Variants in SNTG1 observed in about 807,000 individuals in gnomAD.
SNTG1 encodes the protein gamma-1-syntrophin.
SNTG1 carries 39 observed loss-of-function variants against 74.7 expected under a neutral mutation model. The ratio of observed to expected loss-of-function variants is 0.52; its 90% CI spans 0.40 to 0.68. The LOEUF (loss-of-function observed/expected upper bound fraction) is 0.68. SNTG1 is among the 30% of genes least tolerant of loss of function. The probability of loss-of-function intolerance (pLI) is 0.00; values close to 1 mark genes in which losing one functional copy is unlikely to be tolerated. For missense variants in SNTG1, 685 were observed against 609.5 expected (o/e 1.12, Z -1.30); for synonymous variants, 254 against 217.1 (o/e 1.17, Z -1.49).
chr8:50,467,400 G>GT (rs1447993964), intron 8 of SNTG1, among the ~76,000 whole-genome samples: 1 of 151,840 alleles, frequency 6.6e-6, no homozygotes, highest in African/African-American at 2.4e-5. Context: ...CCCAGATCAT[G>GT]TAAGTTATCA....
intron 5 of SNTG1, among the ~76,000 whole-genome samples, chr8:50,443,677 CA>C (rs2093378953): frequency 6.6e-6 from 1 of 152,182 alleles, no homozygotes; most frequent in African/African-American, 2.4e-5. Context: ...TTGTTATAAG[CA>C]GTAGAGTTGG....
intron 1 of SNTG1, among the ~76,000 whole-genome samples, chr8:50,018,698 A>G (rs182242380): frequency 6.6e-6 from 1 of 152,212 alleles, no homozygotes; most frequent in East Asian, 1.9e-4. Flanking sequence ...AAGTGAGAAA[A>G]CAATGCATAG....
At chr8:50,257,059 C>T (rs111965908) in intron 2 of SNTG1, among the ~76,000 whole-genome samples, 2,338 of 151,964 alleles carry the variant, frequency 0.015, 50 homozygotes, top group African/African-American at 0.044. Context: ...AAGAGGCACA[C>T]CCACCAGCAT....
rs181257114 is a variant in SNTG1 at position 49,965,660 on chromosome 8, G to A, written c.-103+53429G>A. 3.5e-4 allele frequency among the ~76,000 whole-genome samples: 54 copies of A among 152,126 alleles called. 1 individual carries two copies. In the East Asian group the frequency reaches 6.0e-3, roughly 17 times the overall value. On this transcript the variant is annotated intron_variant, in intron 1 of 18. Coordinates refer to ENST00000642720, the MANE Select transcript of SNTG1 (RefSeq NM_018967.5). Reference sequence around the variant, plus strand: ...CGCCTTGATTGCTCCAACCTCTCTAGCCCCATCAGAAATGTTCCATTTTTA... The same window carrying A: ...CGCCTTGATTGCTCCAACCTCTCTAACCCCATCAGAAATGTTCCATTTTTA...
At chr8:50,052,015 C>G (rs203960) in intron 1 of SNTG1, among the ~76,000 whole-genome samples, 2 of 151,764 alleles carry the variant, frequency 1.3e-5, no homozygotes, top group East Asian at 3.9e-4. Flanking sequence ...CAATGCTTTC[C>G]TTATCAAAAT....
rs116633452 is a variant in SNTG1, at chr8:50,179,565, A to G, written c.-28+6930A>G. On this transcript the variant is annotated intron_variant, in intron 2 of 18. Transcript: ENST00000642720. ...GATAAGAAATTAATACTCAAAATACATAAGCAGTTCCCACAACTTGAAAGG... is the reference window on the plus strand; with the variant it reads ...GATAAGAAATTAATACTCAAAATACGTAAGCAGTTCCCACAACTTGAAAGG... 1.6e-3 allele frequency among the ~76,000 whole-genome samples: 250 copies of G among 152,356 alleles called. 2 individuals are homozygous for G. The highest frequency in any genetic ancestry group is 6.8e-3 in the Middle Eastern group (2 of 294).
chr8:50,737,102 C>CA (rs1164079898), intron 17 of SNTG1, among the ~76,000 whole-genome samples: 5 of 151,656 alleles, frequency 3.3e-5, no homozygotes, highest in East Asian at 1.9e-4. Context: ...AAAAACCCTT[C>CA]AAAAAATCAA....
At chr8:50,455,736 G>T (rs1244752102) in intron 8 of SNTG1, among the ~76,000 whole-genome samples, 1 of 152,172 alleles carries the variant, frequency 6.6e-6, no homozygotes, top group East Asian at 1.9e-4. Flanking sequence ...TATTGGAACA[G>T]TCTAGGAGGT....
At chr8:50,584,466 T>C (rs982930478) in intron 12 of SNTG1, among the ~76,000 whole-genome samples, 4 of 151,788 alleles carry the variant, frequency 2.6e-5, no homozygotes, top group Non-Finnish European at 5.9e-5. Context: ...TTCTAACTGG[T>C]GTGAGATGGT....
chr8:50,769,858 T>C (rs1250262274), intron 18 of SNTG1, among the ~76,000 whole-genome samples: 1 of 152,130 alleles, frequency 6.6e-6, no homozygotes, highest in Non-Finnish European at 1.5e-5. Context: ...TTAAACATTG[T>C]TCTATTACAT....
At chr8:50,397,561 T>G (rs576385073) in intron 3 of SNTG1, among the ~76,000 whole-genome samples, 1 of 152,312 alleles carries the variant, frequency 6.6e-6, no homozygotes, top group African/African-American at 2.4e-5. Context: ...TCCTGTAAGT[T>G]CCAGAGTAGT....
At chr8:50,355,223 G>A (rs1029058921) in intron 2 of SNTG1, among the ~76,000 whole-genome samples, 16 of 151,914 alleles carry the variant, frequency 1.1e-4, no homozygotes, top group Non-Finnish European at 2.1e-4. Flanking sequence ...CAGCTATGTA[G>A]TGAAACACTT....
intron 18 of SNTG1, among the ~76,000 whole-genome samples, chr8:50,757,344 C>T (rs2095583024): frequency 6.6e-6 from 1 of 151,788 alleles, no homozygotes; most frequent in Admixed American, 6.6e-5. Flanking sequence ...TTTAGCCTTA[C>T]ATATTTGTAT....
At chr8:50,341,017 C>T (rs925765041) in intron 2 of SNTG1, among the ~76,000 whole-genome samples, 1 of 151,856 alleles carries the variant, frequency 6.6e-6, no homozygotes, top group Non-Finnish European at 1.5e-5. Context: ...GAGATAGTTA[C>T]AAATGAAAAC....
rs2093943443 is a variant in SNTG1 at position 50,500,645 on chromosome 8, GC to G, written c.364-2131del. Among the ~76,000 whole-genome samples the G allele has an allele frequency of 5.3e-5, 8 of 152,166 alleles. No homozygotes were observed. In the South Asian group the frequency reaches 1.7e-3, roughly 32 times the overall value. On this transcript the variant is annotated intron_variant, in intron 8 of 18. Transcript: ENST00000642720. Reference sequence around the variant, plus strand: ...TTTGTTTATTATATTAGGTGACTCTGCCTCTTACTTGAGATTTCTTTTTTTA... The same window carrying G: ...TTTGTTTATTATATTAGGTGACTCTGCTCTTACTTGAGATTTCTTTTTTTA...
chr8:49,912,727 C>T (rs1805687685), intron 1 of SNTG1, among the ~76,000 whole-genome samples: 1 of 152,148 alleles, frequency 6.6e-6, no homozygotes, highest in Non-Finnish European at 1.5e-5. Context: ...CCATGCCAAC[C>T]TCCAAGTATA....
At chr8:50,747,659 T>C (rs2095558190) in intron 17 of SNTG1, 1 of 152,020 alleles carries the variant, frequency 6.6e-6, no homozygotes, top group African/African-American at 2.4e-5. Context: ...TGTTTTAGTA[T>C]TAATCTGTTG....
At chr8:50,701,645 CCT>C (rs1256649426) in intron 15 of SNTG1, among the ~76,000 whole-genome samples, 1 of 140,768 alleles carries the variant, frequency 7.1e-6, no homozygotes, top group African/African-American at 2.8e-5. Flanking sequence ...TCTTCTTCCT[CCT>C]CTTTTTCTTC....
chr8:50,484,483 G>C (rs2093773081), intron 8 of SNTG1, among the ~76,000 whole-genome samples: 1 of 151,604 alleles, frequency 6.6e-6, no homozygotes, highest in African/African-American at 2.4e-5. Flanking sequence ...CCAAAGCGCT[G>C]TGATTACAGG....
Sources: gnomAD v4.1 joint callset for allele counts (sites outside exome capture counted in the v4.1 genomes callset) on GRCh38, gnomAD v4.1.1 for gene constraint, MANE v1.5 for transcripts, NCBI Gene and HGNC (gene_info 2026-07-23, HGNC 2026-07-21) for gene names.